The following JARID2 variants were observed in gnomAD, a reference collection of about 807,000 sequenced individuals.
JARID2 encodes the protein jumonji and AT-rich interaction domain containing 2, also known as protein Jumonji.
Under a neutral mutation model 125.6 loss-of-function variants are expected in JARID2, and 21 were observed. The ratio of observed to expected loss-of-function variants is 0.17; its 90% CI spans 0.12 to 0.24. The LOEUF (loss-of-function observed/expected upper bound fraction) is 0.24. Ranked by LOEUF, JARID2 falls within the 10% of genes least tolerant of loss-of-function variation. The pLI, the probability that JARID2 is intolerant of heterozygous loss-of-function variation, is 1.00. For synonymous variants in JARID2, 736 were observed against 661.6 expected (o/e 1.11, Z -1.73); for missense variants, 1,303 against 1,639.6 (o/e 0.79, Z 3.55).
chr6:15,507,484 G>T (rs970683083), intron 11 of JARID2, 68 bp downstream of exon 11: 2 of 1,377,680 alleles, frequency 1.5e-6, no homozygotes, highest in African/African-American at 2.9e-5. Context: ...GAGAACCAGG[G>T]CTGGGAAATC....
intron 17 of JARID2, among the ~76,000 whole-genome samples, chr6:15,518,429 G>A (rs574521034): frequency 1.3e-5 from 2 of 152,346 alleles, no homozygotes; most frequent in Admixed American, 6.5e-5. Context: ...TGCATACTCT[G>A]TAGTGGCTGA....
chr6:15,432,384 C>A (rs973258939), intron 3 of JARID2, among the ~76,000 whole-genome samples: 6 of 152,240 alleles, frequency 3.9e-5, no homozygotes, highest in Non-Finnish European at 5.9e-5. Flanking sequence ...GCTGAGATTG[C>A]GCCACTGCAC....
intron 1 of JARID2, among the ~76,000 whole-genome samples, chr6:15,285,173 C>T (rs1212653678): frequency 2.1e-5 from 3 of 143,998 alleles, no homozygotes; most frequent in Non-Finnish European, 3.0e-5. Context: ...TGCAATGGCA[C>T]GATCTTGGCT....
intron 1 of JARID2, among the ~76,000 whole-genome samples, chr6:15,316,690 A>T (rs2127434566): frequency 6.6e-6 from 1 of 152,140 alleles, no homozygotes; most frequent in South Asian, 2.1e-4. Context: ...TTTAGTAGAG[A>T]CGGGGTTTCA....
chr6:15,402,534 G>T (rs1474657657), intron 2 of JARID2, among the ~76,000 whole-genome samples: 1 of 152,056 alleles, frequency 6.6e-6, no homozygotes, highest in Non-Finnish European at 1.5e-5. Flanking sequence ...CACATGTTGG[G>T]CCCATTTATC....
At chr6:15,247,676 T>C (rs746126239) in intron 1 of JARID2, 1,151 of 985,258 alleles carry the variant, frequency 1.2e-3, no homozygotes, top group Non-Finnish European at 1.3e-3. Context: ...AGAGATGACC[T>C]TCGGGGCACT....
intron 3 of JARID2, among the ~76,000 whole-genome samples, chr6:15,435,434 C>T (rs1208549640): frequency 6.6e-6 from 1 of 152,152 alleles, no homozygotes; most frequent in Non-Finnish European, 1.5e-5. Flanking sequence ...AAAGTTGTCT[C>T]CTGTTAGAGC....
intron 2 of JARID2, among the ~76,000 whole-genome samples, chr6:15,375,161 T>C (rs911567169): frequency 6.6e-6 from 1 of 152,172 alleles, no homozygotes; most frequent in African/African-American, 2.4e-5. Context: ...TATGGTGAGT[T>C]GTCTGGCAGC....
chr6:15,258,748 C>T (rs910180523), intron 1 of JARID2, among the ~76,000 whole-genome samples: 2 of 152,194 alleles, frequency 1.3e-5, no homozygotes, highest in Non-Finnish European at 2.9e-5. Flanking sequence ...CGCCACTGCA[C>T]TCCAGCCTGG....
intron 3 of JARID2, among the ~76,000 whole-genome samples, chr6:15,429,442 A>G (rs980587820): frequency 1.3e-5 from 2 of 151,710 alleles, no homozygotes; most frequent in African/African-American, 4.8e-5. Flanking sequence ...ACATTTTCAT[A>G]TTTTGTAGAG....
At chr6:15,250,700 A>T (rs1365261250) in intron 1 of JARID2, among the ~76,000 whole-genome samples, 1 of 150,536 alleles carries the variant, frequency 6.6e-6, no homozygotes, top group South Asian at 2.1e-4. Flanking sequence ...CACTGGCCCA[A>T]ATAGACAACT....
intron 2 of JARID2, among the ~76,000 whole-genome samples, chr6:15,377,104 C>T (rs1764384482): frequency 6.6e-6 from 1 of 152,098 alleles, no homozygotes; most frequent in Admixed American, 6.5e-5. Context: ...TCCTAAATGT[C>T]AAATGAAATC....
intron 3 of JARID2, among the ~76,000 whole-genome samples, chr6:15,424,728 G>A (rs886814499): frequency 2.6e-5 from 4 of 152,228 alleles, no homozygotes; most frequent in Admixed American, 1.3e-4. Context: ...GTGTGGTGGC[G>A]CATCCTTGTA....
intron 1 of JARID2, among the ~76,000 whole-genome samples, chr6:15,250,632 T>A (rs1337640741): frequency 6.6e-6 from 1 of 152,226 alleles, no homozygotes; most frequent in Non-Finnish European, 1.5e-5. Flanking sequence ...ACTTGGTTTA[T>A]TATCCAGGTT....
Position 15,512,518 on chromosome 6 carries a change from T to G in JARID2, c.3135+128T>G, listed in dbSNP as rs1771328980. The G allele has an allele frequency of 4.0e-5, 36 of 907,474 alleles. 2 individuals carry two copies. The South Asian group carries it at 5.7e-4, about 14-fold the overall frequency. The allele number at this position is 907,474 out of a possible 1,614,324, so 56.2% of individuals were successfully genotyped here. On this transcript the variant is annotated intron_variant, in intron 14 of 17. Transcript: ENST00000341776. Reference sequence around the variant, plus strand: ...AATAGTTCCTTTTGGAATATGTCTTTGAAATTCTTAAGACGTGGTTGAAAG... The same window carrying G: ...AATAGTTCCTTTTGGAATATGTCTTGGAAATTCTTAAGACGTGGTTGAAAG...
At chr6:15,381,052 T>A (rs1451637323) in intron 2 of JARID2, among the ~76,000 whole-genome samples, 1 of 151,878 alleles carries the variant, frequency 6.6e-6, no homozygotes, top group African/African-American at 2.4e-5. Context: ...ATTATTTTCT[T>A]CTGAAGACAG....
intron 1 of JARID2, 113 bp from the exon 2 acceptor site, chr6:15,374,004 T>C: frequency 8.4e-7 from 1 of 1,184,832 alleles, no homozygotes; most frequent in Non-Finnish European, 1.2e-6. Context: ...GAGAACTGGG[T>C]CGTGGTCACA....
chr6:15,404,519 G>GCACACACACACACA (rs3138770), intron 2 of JARID2, among the ~76,000 whole-genome samples: 5 of 138,270 alleles, frequency 3.6e-5, no homozygotes, highest in African/African-American at 1.4e-4. Flanking sequence ...ATCTTAAAGT[G>GCACACACACACACA]CACACACACA....
intron 3 of JARID2, among the ~76,000 whole-genome samples, chr6:15,427,557 C>T (rs1766782985): frequency 6.6e-6 from 1 of 152,034 alleles, no homozygotes; most frequent in African/African-American, 2.4e-5. Flanking sequence ...TTCTTTCCTT[C>T]CTCCTCTAAG....
Sources: gnomAD v4.1 joint callset for allele counts (sites outside exome capture counted in the v4.1 genomes callset) on GRCh38, gnomAD v4.1.1 for gene constraint, MANE v1.5 for transcripts, NCBI Gene and HGNC (gene_info 2026-07-23, HGNC 2026-07-21) for gene names.